NBPF9: variants seen among roughly 807,000 people sequenced by gnomAD.
NBPF9 encodes NBPF family member NBPF9.
A neutral mutation model predicts 97.8 loss-of-function variants in NBPF9; 91 were observed. The observed-to-expected ratio is 0.93, with a 90% confidence interval of 0.79 to 1.11. The LOEUF is 1.11. Ranked by LOEUF, NBPF9 falls within the 50% of genes least tolerant of loss-of-function variation. NBPF9 has a pLI of 0.00. For missense variants in NBPF9, 992 were observed against 939.5 expected (o/e 1.06, Z -0.73); for synonymous variants, 334 against 359.5 (o/e 0.93, Z 0.80).
At chr1:149,087,895 C>CGAT in intron 5 of NBPF9, among the ~76,000 whole-genome samples, 1 of 136,560 alleles carries the variant, frequency 7.3e-6, no homozygotes, top group Non-Finnish European at 1.5e-5. Context: ...TGCAGTGATG[C>CGAT]GATCTCGGCT....
intron 4 of NBPF9, among the ~76,000 whole-genome samples, chr1:149,097,002 G>A (rs1297344908): frequency 2.7e-5 from 4 of 147,730 alleles, no homozygotes. Context: ...GAAAAAGAGA[G>A]AACATGAGAG....
intron 12 of NBPF9, among the ~76,000 whole-genome samples, chr1:149,074,939 G>A (rs199736373): frequency 1.3e-5 from 2 of 151,196 alleles, no homozygotes; most frequent in Admixed American, 6.6e-5. Context: ...AGCCTCCTGA[G>A]CAGGGGTGAT....
intron 26 of NBPF9, chr1:149,058,629 T>C (rs2078393280): frequency 1.1e-5 from 3 of 278,678 alleles, no homozygotes; most frequent in Non-Finnish European, 1.3e-5. Context: ...TACAAACCCT[T>C]GAGTCCAAAT....
chr1:149,095,736 A>T, intron 4 of NBPF9, among the ~76,000 whole-genome samples: 1 of 152,126 alleles, frequency 6.6e-6, no homozygotes. Flanking sequence ...AGGGAATTGC[A>T]CATTAAAACA....
chr1:149,079,476 G>C (rs1265275262), intron 8 of NBPF9, among the ~76,000 whole-genome samples: 1 of 151,348 alleles, frequency 6.6e-6, no homozygotes, highest in African/African-American at 2.4e-5. Flanking sequence ...AAAAGTAGGT[G>C]TCTTCCTAAT....
chr1:149,097,078 GAGGAAGGAAGGA>G (rs1177238888), intron 4 of NBPF9, among the ~76,000 whole-genome samples: 420 of 146,456 alleles, frequency 2.9e-3, no homozygotes, highest in Non-Finnish European at 5.1e-3. Context: ...AGGAGGAAGG[GAGGAAGGAAGGA>G]AGGAAGGAAG....
At chr1:149,079,109 G>A in exon 9 of NBPF9, 2 of 1,268,054 alleles carry the variant, frequency 1.6e-6, no homozygotes, top group South Asian at 1.2e-5. Context: ...TCCGGAGTGA[G>A]GAGGGCCTGG....
Position 149,077,389 on chromosome 1 carries a change from G to A in NBPF9, c.597C>T (p.Val199=), listed in dbSNP as rs782651662. ...CACATTCCTCCAGTGAGTCCTCAGC[G>A]ACTTTGCTCTCTTCAGCCTTCTGCA... is the stretch of plus-strand genomic sequence containing the variant. Residue 199 remains valine (V), a synonymous_variant, in exon 11 of 30, where the codon GTC becomes GTT. Transcript: ENST00000584027. The A allele has an allele frequency of 2.6e-4, 417 of 1,609,940 alleles. 8 individuals carry two copies. In the African/African-American group the frequency reaches 4.8e-3, roughly 19 times the overall value.
rs587638960 is a variant in NBPF9 at position 149,087,097 on chromosome 1, G to A, written c.-195+3656C>T. Among the ~76,000 whole-genome samples the A allele has an allele frequency of 3.0e-4, 46 of 151,878 alleles. 1 individual carries two copies. In the South Asian group the frequency reaches 6.0e-3, roughly 20 times the overall value. Reference sequence around the variant, plus strand: ...GGATATGTACTGGTATCTCATTGTTGCACTGATTGATCTCCCTGATGACTA... The same window carrying A: ...GGATATGTACTGGTATCTCATTGTTACACTGATTGATCTCCCTGATGACTA... On this transcript the variant is annotated intron_variant, in intron 5 of 29. Transcript: ENST00000584027.
rs1553650667 is a variant in NBPF9 at position 149,063,538 on chromosome 1, C to T, written c.2026+95G>A. 1.9e-5 allele frequency: 13 copies of T among 699,186 alleles called. 3 individuals are homozygous for T. The highest frequency in any genetic ancestry group is 1.4e-4 in the South Asian group (9 of 63,486). The allele number at this position is 699,186 out of a possible 1,614,324, so 43.3% of individuals were successfully genotyped here. A position where few individuals can be genotyped will look rare whatever the true frequency, so the allele number is the denominator to read the frequency against. On this transcript the variant is annotated intron_variant, in intron 20 of 29. Coordinates refer to ENST00000584027, the Ensembl canonical transcript of NBPF9. ...CTATAGGTCCTCCCTGTGGCAATGA[C>T]ATCTCTCAGCTCAGTAACGGCCACT... is the stretch of plus-strand genomic sequence containing the variant.
At chr1:149,087,223 G>A (rs1698620) in intron 5 of NBPF9, among the ~76,000 whole-genome samples, 2 of 150,964 alleles carry the variant, frequency 1.3e-5, no homozygotes, top group Non-Finnish European at 2.9e-5. Flanking sequence ...GCTGTTTATC[G>A]TATCAGACTG....
At chr1:149,080,026 C>T in intron 8 of NBPF9, 27 bp downstream of exon 8, 1 of 1,584,840 alleles carries the variant, frequency 6.3e-7, no homozygotes, top group Non-Finnish European at 8.6e-7. Context: ...ACCTACCCGC[C>T]TGCCTCCCCC....
intron 4 of NBPF9, chr1:149,092,653 C>CGA (rs2152922266): frequency 6.9e-6 from 1 of 144,002 alleles, no homozygotes; most frequent in East Asian, 2.1e-4. Context: ...GCCTGTCTCT[C>CGA]CTCTTGAATT....
chr1:149,103,135 A>G (rs2082257139), intron 1 of NBPF9, among the ~76,000 whole-genome samples, 166 bp downstream of exon 1: 1 of 151,740 alleles, frequency 6.6e-6, no homozygotes, highest in Admixed American at 6.6e-5. Context: ...AATCGAACGC[A>G]TGGAACTTAA....
At chr1:149,097,029 G>A (rs2081812128) in intron 4 of NBPF9, among the ~76,000 whole-genome samples, 1 of 146,528 alleles carries the variant, frequency 6.8e-6, no homozygotes, top group African/African-American at 2.6e-5. Flanking sequence ...AAAAAGAAAA[G>A]AAGAAAGGAA....
chr1:149,077,699 A>T (rs1236905343), intron 10 of NBPF9, among the ~76,000 whole-genome samples, 184 bp downstream of exon 10: 1 of 152,036 alleles, frequency 6.6e-6, no homozygotes, highest in African/African-American at 2.4e-5. Flanking sequence ...TACAGACATG[A>T]CACTTGGCAC....
At chr1:149,060,924 C>CAA in intron 23 of NBPF9, 1 of 345,940 alleles carries the variant, frequency 2.9e-6, no homozygotes, top group East Asian at 5.7e-5. Flanking sequence ...CACACACACA[C>CAA]AAACACACAC....
chr1:149,082,022 CTT>C lies in NBPF9; in HGVS notation c.116_117del (p.Lys39ArgfsTer22), dbSNP rs1575856240. 1 of 1,609,434 alleles carries C rather than the reference CTT, an allele frequency of 6.2e-7. No homozygotes were observed. The highest frequency in any genetic ancestry group is 8.5e-7 in the Non-Finnish European group (1 of 1,179,060). ...GCCAGTTGAGTTAGAAAACATCTCT[CTT>C]TGAGGTTTCCGAACTGCTGTTTGTT... On this transcript the variant is annotated frameshift_variant, in exon 7 of 30. Transcript: ENST00000584027. LOFTEE classifies it high-confidence loss of function.
chr1:149,079,093 G>A (rs587621381), exon 9 of NBPF9: 56 of 1,326,340 alleles, frequency 4.2e-5, no homozygotes, highest in African/African-American at 1.6e-4. Context: ...GGACTTGTCC[G>A]GCTCATCCGG....
Sources: allele counts gnomAD v4.1 joint callset (sites outside exome capture counted in the v4.1 genomes callset), GRCh38; gene constraint gnomAD v4.1.1; transcripts MANE v1.5; gene names NCBI Gene and HGNC (gene_info 2026-07-23, HGNC 2026-07-21).